Variants in THNSL1 observed in about 807,000 individuals in gnomAD.
THNSL1 encodes the protein threonine synthase like 1.
Under a neutral mutation model 50.4 loss-of-function variants are expected in THNSL1, and 48 were observed. The observed-to-expected ratio is 0.95, with a 90% CI of 0.76 to 1.21. THNSL1 has a LOEUF of 1.21. THNSL1 is among the 50% of genes most tolerant of loss of function. THNSL1 has a pLI of 0.00. For synonymous variants in THNSL1, 309 were observed against 306.1 expected (o/e 1.01, Z -0.10); for missense variants, 896 against 871.7 (o/e 1.03, Z -0.35).
chr10:25,023,591 C>T lies in THNSL1; in HGVS notation c.368C>T (p.Ser123Phe), dbSNP rs757897118. 6 of 1,614,114 alleles carry T rather than the reference C, an allele frequency of 3.7e-6. No homozygotes were observed. The Admixed American group carries it at 1.0e-4, about 27-fold the overall frequency. ...EEEGKAVLNF[S>F]ASGSVISLTG... ...GAAGGAAAAGCTGTGTTAAACTTCT[C>T]TGCATCTGGAAGTGTGATTTCCCTT... The change falls in exon 3 of 3, where the codon TCT becomes TTT. Residue 123 changes from serine to phenylalanine, a missense_variant. Ser to Phe is a radical substitution (Grantham distance 155, BLOSUM62 -2). Transcript: ENST00000376356.
At chr10:25,006,702 A>T in the THNSL1 span, among the ~76,000 whole-genome samples, 1 of 152,364 alleles carries the variant, frequency 6.6e-6, no homozygotes, top group East Asian at 1.9e-4. Context: ...TCTGATATAT[A>T]ATAAATTATC....
At position 25,024,097 on chromosome 10, in the gene THNSL1, G is replaced by A; in HGVS notation, c.874G>A (p.Ala292Thr). 1.2e-6 allele frequency: 2 copies of A among 1,614,210 alleles called. No homozygotes were observed. Among genetic ancestry groups the A allele is most frequent in the African/African-American group, 1.3e-5 (1 of 75,068 alleles). ...AGTAGGAGCAACCTACGTAGAAAGA[G>A]CACAGATACTGTTGGAAAGATGTAT... is the stretch of plus-strand genomic sequence containing the variant. ...SLVGATYVER[A>T]QILLERCIHP... Residue 292 changes from alanine to threonine, a missense_variant, in exon 3 of 3, where the codon GCA becomes ACA. Ala to Thr is a moderately conservative substitution (Grantham distance 58, BLOSUM62 0). Transcript: ENST00000376356.
At chr10:25,017,283 A>T (rs1226082502) in intron 1 of THNSL1, among the ~76,000 whole-genome samples, 5 of 152,204 alleles carry the variant, frequency 3.3e-5, no homozygotes, top group African/African-American at 1.2e-4. Flanking sequence ...GTCACCCGTA[A>T]ATCTATGCAC....
the THNSL1 span, among the ~76,000 whole-genome samples, chr10:24,989,634 C>T: frequency 4.6e-5 from 7 of 152,144 alleles, no homozygotes; most frequent in African/African-American, 1.4e-4. Context: ...CAGGGTTTAG[C>T]ATTTAAGAAA....
At chr10:24,974,013 C>T in the THNSL1 span, among the ~76,000 whole-genome samples, 7 of 152,214 alleles carry the variant, frequency 4.6e-5, no homozygotes, top group East Asian at 1.4e-3. Context: ...CTCGGCCTCC[C>T]AAGGTGCTAG....
intron 1 of THNSL1, among the ~76,000 whole-genome samples, chr10:25,018,655 A>G (rs10828738): frequency 0.9 from 127,652 of 142,246 alleles, 57,137 homozygotes; most frequent in East Asian, 1. Context: ...AACAAATGAG[A>G]GTTGTTTTTT....
In THNSL1 at chr10:25,023,319, T is replaced by G; in HGVS notation, c.96T>G (p.Phe32Leu). The G allele has an allele frequency of 6.2e-7, 1 of 1,614,162 alleles. No homozygotes were observed. The highest frequency in any genetic ancestry group is 1.1e-5 in the South Asian group (1 of 91,084). The change falls in exon 3 of 3, where the codon TTT (phenylalanine) becomes TTG (leucine). Residue 32 changes from phenylalanine (F) to leucine (L), a missense_variant. Phe to Leu is a conservative substitution (Grantham distance 22). Transcript: ENST00000376356. ...AAACGGATAAACATGCACAGCGATT[T>G]CTTTCAAGAACCTTTGCACTTGCGG... is the stretch of plus-strand genomic sequence containing the variant. ...HVKTDKHAQR[F>L]LSRTFALAEL...
chr10:24,957,786 T>C, the THNSL1 span, among the ~76,000 whole-genome samples: 8 of 152,218 alleles, frequency 5.3e-5, no homozygotes, highest in South Asian at 1.5e-3. Flanking sequence ...CGGCCTTGAG[T>C]TGATTTTTGT....
rs1850785801 is a variant in THNSL1, at chr10:25,024,111, G to T, written c.888G>T (p.Leu296Phe). The change falls in exon 3 of 3, where the codon TTG becomes TTT. Residue 296 changes from leucine to phenylalanine, a missense_variant. Coordinates refer to ENST00000376356, the MANE Select transcript of THNSL1 (RefSeq NM_024838.5). ...ATYVERAQILLERCIHPADIP... is the reference protein window; with the variant it reads ...ATYVERAQILFERCIHPADIP... ...ACGTAGAAAGAGCACAGATACTGTT[G>T]GAAAGATGTATCCATCCTGCAGACA... 6.2e-7 allele frequency: 1 copy of T among 1,614,046 alleles called. No homozygotes were observed. The highest frequency in any genetic ancestry group is 8.5e-7 in the Non-Finnish European group (1 of 1,180,034).
Position 25,024,513 on chromosome 10 carries a change from A to G in THNSL1, c.1290A>G (p.Ala430=), listed in dbSNP as rs773282612. The G allele has an allele frequency of 2.2e-5, 35 of 1,614,116 alleles. No homozygotes were observed. The highest frequency in any genetic ancestry group is 2.6e-5 in the Non-Finnish European group (31 of 1,180,030). ...IIGSQRENGW[A]VGVESDFDFC... ...GCAGTCAGAGAGAAAATGGATGGGCAGTGGGTGTTGAGTCAGATTTTGATT... is the reference window on the plus strand; with the variant it reads ...GCAGTCAGAGAGAAAATGGATGGGCGGTGGGTGTTGAGTCAGATTTTGATT... The change falls in exon 3 of 3, where the codon GCA becomes GCG. Residue 430 remains alanine (A), a synonymous_variant. Transcript: ENST00000376356.
At chr10:24,984,166 C>T in the THNSL1 span, 6 of 458,952 alleles carry the variant, frequency 1.3e-5, no homozygotes, top group Admixed American at 1.2e-4. Flanking sequence ...AAATAGAAGC[C>T]TTTCATCATA....
chr10:24,952,593 C>A, the THNSL1 span: 1 of 1,369,806 alleles, frequency 7.3e-7, no homozygotes, highest in Non-Finnish European at 9.7e-7. This position sits in a 1 kb window ranked among gnomAD's most constrained non-coding sequence, Gnocchi z 5.1. Flanking sequence ...CCGGGGAACG[C>A]GGGAAGGGAA....
At chr10:24,990,775 C>A in the THNSL1 span, among the ~76,000 whole-genome samples, 133 of 152,290 alleles carry the variant, frequency 8.7e-4, 4 homozygotes, top group South Asian at 0.027. Context: ...CCATTGAGAG[C>A]TAGTAGATTC....
the THNSL1 span, among the ~76,000 whole-genome samples, chr10:24,972,053 G>A: frequency 9.3e-5 from 14 of 150,496 alleles, no homozygotes; most frequent in Admixed American, 1.3e-4. Flanking sequence ...TTAGCTGGGC[G>A]TGGTAGCGGG....
the THNSL1 span, among the ~76,000 whole-genome samples, chr10:24,989,130 G>A: frequency 2.6e-5 from 4 of 152,144 alleles, no homozygotes; most frequent in African/African-American, 9.7e-5. Context: ...TCATTTAGGT[G>A]TAAAAACCTG....
At chr10:24,974,154 T>C in the THNSL1 span, among the ~76,000 whole-genome samples, 2 of 152,176 alleles carry the variant, frequency 1.3e-5, no homozygotes, top group Non-Finnish European at 2.9e-5. Flanking sequence ...GAGATGAGAA[T>C]GGGGCAGAAA....
At chr10:25,021,952 A>G (rs1166748991) in intron 2 of THNSL1, 44 bp downstream of exon 2, 6 of 152,188 alleles carry the variant, frequency 3.9e-5, no homozygotes, top group African/African-American at 1.4e-4. Context: ...TAAATGTTTA[A>G]TTACAGAACA....
At chr10:24,995,956 T>G in the THNSL1 span, 1 of 1,095,354 alleles carries the variant, frequency 9.1e-7, no homozygotes, top group Non-Finnish European at 1.3e-6. Flanking sequence ...TTTCACCACT[T>G]GTATATTGAA....
the THNSL1 span, among the ~76,000 whole-genome samples, chr10:24,990,969 A>T: frequency 6.6e-6 from 1 of 152,194 alleles, no homozygotes; most frequent in African/African-American, 2.4e-5. Flanking sequence ...GCATCGTGGC[A>T]TGTGCCAGTA....
Sources: gnomAD v4.1 joint callset for allele counts (sites outside exome capture counted in the v4.1 genomes callset) on GRCh38, gnomAD v4.1.1 for gene constraint, Gnocchi (gnomAD v3.1) non-coding constraint, MANE v1.5 for transcripts, NCBI Gene and HGNC (gene_info 2026-07-23, HGNC 2026-07-21) for gene names.